The following CHST11 variants were observed in gnomAD, a reference collection of about 807,000 sequenced individuals.
CHST11 encodes the protein C4S-1.
CHST11 carries 9 observed loss-of-function variants against 30.4 expected under a neutral mutation model. That is an observed-to-expected ratio of 0.30 (90% CI 0.18 to 0.52). The LOEUF (loss-of-function observed/expected upper bound fraction) is 0.52, where lower values mean the gene tolerates loss of function less well. Among genes scored for constraint, CHST11 ranks in the 20% least tolerant of loss-of-function variants. CHST11 has a pLI of 0.97. For synonymous variants in CHST11, 152 were observed against 187.8 expected (o/e 0.81, Z 1.56); for missense variants, 348 against 460.6 (o/e 0.76, Z 2.24).
chr12:104,463,603 A>T (rs2037430226), intron 1 of CHST11, among the ~76,000 whole-genome samples: 1 of 152,216 alleles, frequency 6.6e-6, no homozygotes, highest in Admixed American at 6.5e-5. Flanking sequence ...GGGCGGACAG[A>T]CTTTAAGCAA....
At chr12:104,692,290 C>T (rs1467449502) in intron 2 of CHST11, among the ~76,000 whole-genome samples, 6 of 152,226 alleles carry the variant, frequency 3.9e-5, no homozygotes, top group Non-Finnish European at 7.3e-5. Flanking sequence ...ACTCTGAAGT[C>T]GGGCATTGTC....
In CHST11 at chr12:104,491,443, C is replaced by CTCTTCTTCTTCTTCTTCT. The variant is rs147243817; in HGVS notation, c.118+33919_118+33936dup. 5.8e-4 allele frequency among the ~76,000 whole-genome samples: 88 copies of CTCTTCTTCTTCTTCTTCT among 151,620 alleles called. 1 individual carries two copies. The highest frequency in any genetic ancestry group is 1.9e-3 in the African/African-American group (79 of 41,212). On this transcript the variant is annotated intron_variant, in intron 1 of 2. Transcript: ENST00000303694. ...GAAACAAGAACCACTTTACCTTAGT[C>CTCTTCTTCTTCTTCTTCT]TCTTCTTCTTCTTCTTCTTCTTTTC...
intron 2 of CHST11, among the ~76,000 whole-genome samples, chr12:104,698,085 A>G (rs998143542): frequency 2.0e-5 from 3 of 152,198 alleles, no homozygotes; most frequent in African/African-American, 7.2e-5. Flanking sequence ...ATGCATCAGC[A>G]TGTTTATTTC....
At chr12:104,651,520 G>A (rs2039489086) in intron 2 of CHST11, among the ~76,000 whole-genome samples, 3 of 152,152 alleles carry the variant, frequency 2.0e-5, no homozygotes, top group Admixed American at 2.0e-4. Flanking sequence ...TGGGGTAGGA[G>A]TGGGAGAAGC....
At chr12:104,741,533 A>C (rs927169781) in intron 2 of CHST11, among the ~76,000 whole-genome samples, 2 of 152,250 alleles carry the variant, frequency 1.3e-5, no homozygotes, top group African/African-American at 4.8e-5. Context: ...GTGAAATTCC[A>C]TGAATCCTTT....
chr12:104,725,203 C>T (rs1235314676), intron 2 of CHST11, among the ~76,000 whole-genome samples: 2 of 152,340 alleles, frequency 1.3e-5, no homozygotes, highest in East Asian at 3.9e-4. Context: ...GATGAAATGA[C>T]AGTAGCTGTG....
chr12:104,715,844 T>C (rs769768768), intron 2 of CHST11, among the ~76,000 whole-genome samples: 2 of 152,146 alleles, frequency 1.3e-5, no homozygotes, highest in Non-Finnish European at 2.9e-5. Context: ...TTGGAATAAA[T>C]GAGCTCGTGT....
At chr12:104,633,506 T>C (rs1161839653) in intron 2 of CHST11, among the ~76,000 whole-genome samples, 1 of 149,422 alleles carries the variant, frequency 6.7e-6, no homozygotes, top group Non-Finnish European at 1.5e-5. Flanking sequence ...CCTCTGTCTC[T>C]TGGGTTCAGG....
chr12:104,526,625 G>A (rs376717691), intron 1 of CHST11, among the ~76,000 whole-genome samples: 1 of 152,220 alleles, frequency 6.6e-6, no homozygotes, highest in Non-Finnish European at 1.5e-5. Flanking sequence ...CAGAGCGCCA[G>A]TTCTTCCACT....
intron 2 of CHST11, among the ~76,000 whole-genome samples, chr12:104,714,551 G>GTGA (rs58768319): frequency 9.0e-4 from 136 of 150,954 alleles, no homozygotes; most frequent in African/African-American, 2.9e-3. Flanking sequence ...TGTGGAGGTG[G>GTGA]TGATGATGAT....
intron 1 of CHST11, among the ~76,000 whole-genome samples, chr12:104,495,938 G>T (rs1042527009): frequency 2.0e-5 from 3 of 152,218 alleles, no homozygotes; most frequent in Non-Finnish European, 4.4e-5. Context: ...CTCCTGAATG[G>T]AGTTCCTTGA....
chr12:104,622,151 CTT>C (rs1272255095), intron 2 of CHST11, among the ~76,000 whole-genome samples: 2 of 152,196 alleles, frequency 1.3e-5, no homozygotes, highest in African/African-American at 2.4e-5. Context: ...CATAAGAACT[CTT>C]TGACAACCAC....
chr12:104,479,128 CCTTT>C (rs140446441), intron 1 of CHST11, among the ~76,000 whole-genome samples: 55 of 152,020 alleles, frequency 3.6e-4, no homozygotes, highest in African/African-American at 1.2e-3. Flanking sequence ...GCAACTCCTT[CCTTT>C]CCCAACCCAA....
At chr12:104,716,299 A>G (rs765912700) in intron 2 of CHST11, among the ~76,000 whole-genome samples, 4 of 152,158 alleles carry the variant, frequency 2.6e-5, no homozygotes, top group Non-Finnish European at 5.9e-5. Context: ...GCAGCATAGT[A>G]TAGTGATGGA....
At chr12:104,707,706 A>G (rs1187783387) in intron 2 of CHST11, among the ~76,000 whole-genome samples, 2 of 152,226 alleles carry the variant, frequency 1.3e-5, no homozygotes, top group Non-Finnish European at 2.9e-5. Context: ...AGTCTCCTAA[A>G]TCTCCACTGA....
At chr12:104,712,277 G>A (rs1410927142) in intron 2 of CHST11, among the ~76,000 whole-genome samples, 1 of 152,076 alleles carries the variant, frequency 6.6e-6, no homozygotes, top group Non-Finnish European at 1.5e-5. Context: ...CAACTGAGGG[G>A]TGAAACTCAA....
rs1394519174 is a variant in CHST11, at chr12:104,463,118, G to A, written c.118+5589G>A. Among the ~76,000 whole-genome samples, 5 of 152,182 alleles carry A rather than the reference G, an allele frequency of 3.3e-5. No individual in the cohort carries two copies. The South Asian group carries it at 1.0e-3, about 32-fold the overall frequency. On this transcript the variant is annotated intron_variant, in intron 1 of 2. Transcript: ENST00000303694. ...AGTCATTTCAAAACAGGAAGTCAAA[G>A]GCTCATAAGCAAAGGCACCACCCTT...
intron 1 of CHST11, among the ~76,000 whole-genome samples, chr12:104,483,504 C>T (rs538154148): frequency 7.9e-5 from 12 of 152,144 alleles, no homozygotes; most frequent in Non-Finnish European, 1.6e-4. Context: ...CCGTGCCCGG[C>T]CTCCCCATGC....
At position 104,686,004 on chromosome 12, in the gene CHST11, A is replaced by T. The variant is rs2039842539; in HGVS notation, c.205-70945A>T. On this transcript the variant is annotated intron_variant, in intron 2 of 2. Coordinates refer to ENST00000303694, the MANE Select transcript of CHST11 (RefSeq NM_018413.6). ...CACTTTAGGAGTTCAAAGTGGGAGG[A>T]CCACTTGAGGCCAGGAGTTTGAGAC... is the stretch of plus-strand genomic sequence containing the variant. Among the ~76,000 whole-genome samples, 3 of 152,158 alleles carry T rather than the reference A, an allele frequency of 2.0e-5. No individual in the cohort carries two copies. In the South Asian group the frequency reaches 6.2e-4, roughly 32 times the overall value.
Sources: gnomAD v4.1 joint callset for allele counts (sites outside exome capture counted in the v4.1 genomes callset) on GRCh38, gnomAD v4.1.1 for gene constraint, MANE v1.5 for transcripts, NCBI Gene and HGNC (gene_info 2026-07-23, HGNC 2026-07-21) for gene names.